The following LIPA variants were observed in gnomAD, a reference collection of about 807,000 sequenced individuals.
The protein encoded by LIPA is lipase A, lysosomal acid type.
In LIPA, 26 loss-of-function variants were observed where a neutral mutation model predicts 40.6. The ratio of observed to expected loss-of-function variants is 0.64; its 90% CI spans 0.47 to 0.89. LIPA has a LOEUF of 0.89. Among genes scored for constraint, LIPA ranks in the 40% least tolerant of loss-of-function variants. The pLI, the probability that LIPA is intolerant of heterozygous loss-of-function variation, is 0.00. For synonymous variants in LIPA, 188 were observed against 168.4 expected, an observed-to-expected ratio of 1.12 and a Z score of -0.90; for missense variants, 455 against 479.6, an observed-to-expected ratio of 0.95 and a Z score of 0.48.
intron 3 of LIPA, among the ~76,000 whole-genome samples, chr10:89,229,331 G>A (rs982799543): frequency 6.6e-6 from 1 of 152,164 alleles, no homozygotes. Context: ...TTAGGAGGGA[G>A]GAAGGAATTC....
In LIPA at chr10:89,328,197, T is replaced by TA; in HGVS notation, c.-2+14413dup. On this transcript the variant is annotated intron_variant, in intron 1 of 5. Coordinates refer to the LIPA transcript ENST00000282673. Reference sequence around the variant, plus strand: ...GATGTTTATAGATTCAATATGTCTTTATCAGTCTGAGCATTTGTAAGATGT... The same window carrying TA: ...GATGTTTATAGATTCAATATGTCTTTAATCAGTCTGAGCATTTGTAAGATGT... The TA allele has an allele frequency of 1.2e-5, 12 of 1,024,126 alleles. No individual in the cohort carries two copies. In the South Asian group the frequency reaches 1.6e-4, roughly 14 times the overall value. 63.4% of individuals were successfully genotyped at this position (1,024,126 alleles called of 1,614,324 possible).
chr10:89,344,861 G>A (rs964187014), upstream of LIPA, among the ~76,000 whole-genome samples: 7 of 152,122 alleles, frequency 4.6e-5, no homozygotes, highest in African/African-American at 1.7e-4. Context: ...CGATAAGCCA[G>A]AGCAACAAAA....
chr10:89,339,673 G>A, intron 1 of LIPA: 1 of 1,614,196 alleles, frequency 6.2e-7, no homozygotes, highest in Non-Finnish European at 8.5e-7. Flanking sequence ...TGAGTTCCTG[G>A]AGACGGAATG....
At chr10:89,305,996 C>A (rs777976445) in intron 1 of LIPA, 3 of 1,613,378 alleles carry the variant, frequency 1.9e-6, no homozygotes, top group Non-Finnish European at 2.5e-6. Flanking sequence ...GAGCAGCCTA[C>A]GGCAACTAAA....
intron 2 of LIPA, chr10:89,403,569 A>C (rs1456327682): frequency 6.2e-7 from 1 of 1,613,988 alleles, no homozygotes; most frequent in African/African-American, 1.3e-5. Context: ...GAAACTTCGG[A>C]GAAAGGCATT....
chr10:89,348,005 G>A (rs986276872), intron 2 of LIPA, among the ~76,000 whole-genome samples: 7 of 152,208 alleles, frequency 4.6e-5, no homozygotes, highest in African/African-American at 1.7e-4. Flanking sequence ...AAAATACACT[G>A]AAGTCCTTGC....
intron 1 of LIPA, among the ~76,000 whole-genome samples, chr10:89,262,707 A>G (rs140840541): frequency 2.0e-5 from 3 of 152,364 alleles, no homozygotes; most frequent in African/African-American, 7.2e-5. Context: ...GTGCAAATTT[A>G]TCAGATCGCA....
intron 8 of LIPA, among the ~76,000 whole-genome samples, chr10:89,218,898 A>G (rs926752306): frequency 6.6e-6 from 1 of 152,236 alleles, no homozygotes; most frequent in Non-Finnish European, 1.5e-5. Context: ...TCTAACAAAT[A>G]TAATGGCATT....
intron 1 of LIPA, among the ~76,000 whole-genome samples, chr10:89,328,262 CA>C (rs1843618326): frequency 6.6e-6 from 1 of 152,090 alleles, no homozygotes; most frequent in Non-Finnish European, 1.5e-5. Flanking sequence ...GGTGTACACA[CA>C]GGCTTCTTAA....
intron 1 of LIPA, among the ~76,000 whole-genome samples, chr10:89,293,098 TA>T (rs1321298585): frequency 6.6e-6 from 1 of 152,190 alleles, no homozygotes; most frequent in East Asian, 1.9e-4. Flanking sequence ...GATTGGATCA[TA>T]GGGGTGGTTT....
At chr10:89,360,297 G>A (rs1222764715) in intron 2 of LIPA, among the ~76,000 whole-genome samples, 4 of 152,182 alleles carry the variant, frequency 2.6e-5, no homozygotes, top group African/African-American at 9.7e-5. Context: ...GATGGCCCAT[G>A]TTGGGGAGGA....
chr10:89,296,592 C>T (rs1209021533), intron 1 of LIPA, among the ~76,000 whole-genome samples: 4 of 151,934 alleles, frequency 2.6e-5, no homozygotes, highest in African/African-American at 4.8e-5. Flanking sequence ...CTGGGACAGG[C>T]TTAGCTGTGC....
At chr10:89,239,549 A>C (rs796636592) in intron 3 of LIPA, among the ~76,000 whole-genome samples, 18 of 152,338 alleles carry the variant, frequency 1.2e-4, no homozygotes, top group African/African-American at 4.1e-4. Flanking sequence ...GCTGGGGAGC[A>C]GGTGACCTGC....
At chr10:89,291,963 A>G (rs1843377483) in intron 1 of LIPA, 1 of 152,130 alleles carries the variant, frequency 6.6e-6, no homozygotes, top group East Asian at 1.9e-4. Flanking sequence ...AATCAGGTGT[A>G]CCCTCTTTAC....
At chr10:89,361,876 T>C (rs906677947) in intron 2 of LIPA, among the ~76,000 whole-genome samples, 5 of 7,472 alleles carry the variant, frequency 6.7e-4, no homozygotes, top group African/African-American at 2.5e-3. Context: ...TCCACCTGCC[T>C]TTTTTTTTTT....
At chr10:89,384,084 A>G (rs1844184773) in intron 2 of LIPA, 1 of 1,614,082 alleles carries the variant, frequency 6.2e-7, no homozygotes, top group Admixed American at 1.7e-5. Context: ...TTCAATATGC[A>G]GCCAAGTTTT....
chr10:89,244,882 T>G (rs1461059261), intron 3 of LIPA, among the ~76,000 whole-genome samples: 2 of 152,136 alleles, frequency 1.3e-5, no homozygotes, highest in African/African-American at 2.4e-5. Context: ...AAATCACAAA[T>G]GCATATATCC....
chr10:89,403,367 A>G, intron 2 of LIPA: 2 of 1,613,438 alleles, frequency 1.2e-6, no homozygotes, highest in Admixed American at 1.7e-5. Flanking sequence ...AGAATTTTCA[A>G]AAATTGTTAT....
At position 89,392,478 on chromosome 10, in the gene LIPA, C is replaced by CA. The variant is rs957527961; in HGVS notation, c.61+20312_61+20313insT. On this transcript the variant is annotated intron_variant, in intron 2 of 8. Transcript: ENST00000371837. The stretch of plus-strand genomic sequence containing the variant: ...AACAAAGTTTCATTCCCCACCCCCC[C>CA]CCGTCAGCAGGAATTCCGCTAGCTT... 1.9e-5 allele frequency: 5 copies of CA among 258,036 alleles called. 1 individual carries two copies. Among genetic ancestry groups the CA allele is most frequent in the Admixed American group, 1.1e-4 (2 of 18,564 alleles). The allele number at this position is 258,036 out of a possible 1,614,324, so 16.0% of individuals were successfully genotyped here.
Sources: allele counts gnomAD v4.1 joint callset (sites outside exome capture counted in the v4.1 genomes callset), GRCh38; gene constraint gnomAD v4.1.1; transcripts MANE v1.5; gene names NCBI Gene and HGNC (gene_info 2026-07-23, HGNC 2026-07-21).